Variants in ZNF385B observed in about 807,000 individuals in gnomAD.
ZNF385B encodes zinc finger protein 385B, also known as zinc finger protein 533.
In ZNF385B, 23 loss-of-function variants were observed where a neutral mutation model predicts 39.2. The observed-to-expected ratio is 0.59, with a 90% CI of 0.42 to 0.83. The LOEUF (loss-of-function observed/expected upper bound fraction) is 0.83. ZNF385B is among the 40% of genes least tolerant of loss of function. The probability of loss-of-function intolerance (pLI) is 0.00; values close to 1 mark genes in which losing one functional copy is unlikely to be tolerated. For missense variants in ZNF385B, 552 were observed against 598.9 expected, an observed-to-expected ratio of 0.92 and a Z score of 0.82; for synonymous variants, 205 against 222.6, an observed-to-expected ratio of 0.92 and a Z score of 0.70.
intron 3 of ZNF385B, among the ~76,000 whole-genome samples, chr2:179,742,270 C>A (rs1702129716): frequency 6.6e-6 from 1 of 152,050 alleles, no homozygotes; most frequent in African/African-American, 2.4e-5. Context: ...TAAACCCTAA[C>A]AGTTAAAACT....
chr2:179,464,502 A>T (rs1166055046), intron 6 of ZNF385B, among the ~76,000 whole-genome samples: 1 of 152,054 alleles, frequency 6.6e-6, no homozygotes, highest in East Asian at 1.9e-4. Flanking sequence ...TAAGTCTTTG[A>T]TCCATCTTGA....
At chr2:179,483,964 T>C (rs77004167) in intron 5 of ZNF385B, among the ~76,000 whole-genome samples, 155 of 152,340 alleles carry the variant, frequency 1.0e-3, no homozygotes, top group African/African-American at 3.7e-3. Flanking sequence ...AAGCTCTACA[T>C]GCACTTCATG....
intron 1 of ZNF385B, chr2:179,802,550 T>C (rs1207916873): frequency 2.0e-5 from 3 of 152,138 alleles, no homozygotes; most frequent in African/African-American, 7.2e-5. Context: ...AGTCTCCATC[T>C]GTCTTGGGAA....
At chr2:179,562,126 C>T (rs111923577) in intron 3 of ZNF385B, among the ~76,000 whole-genome samples, 8 of 152,186 alleles carry the variant, frequency 5.3e-5, no homozygotes, top group East Asian at 1.9e-4. Context: ...GAAAGGGGAA[C>T]GGTAGCTTAT....
intron 1 of ZNF385B, among the ~76,000 whole-genome samples, chr2:179,846,819 G>T (rs954519673): frequency 6.6e-6 from 1 of 152,232 alleles, no homozygotes; most frequent in Admixed American, 6.5e-5. Context: ...TGGTGCTGCT[G>T]GTCCGTGGAC....
intron 1 of ZNF385B, among the ~76,000 whole-genome samples, chr2:179,792,428 G>A (rs1352006026): frequency 1.5e-5 from 2 of 137,712 alleles, no homozygotes; most frequent in Non-Finnish European, 3.0e-5. Context: ...AGGCTGGAGT[G>A]CAGTGGCACC....
chr2:179,859,238 T>C (rs1276388947), intron 1 of ZNF385B, among the ~76,000 whole-genome samples: 1 of 152,210 alleles, frequency 6.6e-6, no homozygotes, highest in Admixed American at 6.5e-5. Flanking sequence ...GATTTGACTA[T>C]AGAGGAGACA....
At chr2:179,500,505 T>C (rs2056656794) in intron 5 of ZNF385B, among the ~76,000 whole-genome samples, 1 of 151,610 alleles carries the variant, frequency 6.6e-6, no homozygotes, top group Non-Finnish European at 1.5e-5. Flanking sequence ...GAAAAGGGAG[T>C]CTCTTCAGTA....
chr2:179,698,956 T>C (rs1698967265), intron 3 of ZNF385B, among the ~76,000 whole-genome samples: 2 of 152,188 alleles, frequency 1.3e-5, no homozygotes, highest in South Asian at 4.1e-4. Flanking sequence ...TTTATTTAAA[T>C]AATTTCACTA....
intron 1 of ZNF385B, among the ~76,000 whole-genome samples, chr2:179,856,616 A>G (rs79797911): frequency 0.011 from 1,141 of 104,398 alleles, 14 homozygotes; most frequent in African/African-American, 0.037. Flanking sequence ...AAACAGAGAC[A>G]GCAGAGACAA....
intron 3 of ZNF385B, among the ~76,000 whole-genome samples, chr2:179,735,193 C>A (rs975062479): frequency 2.0e-5 from 3 of 151,370 alleles, no homozygotes; most frequent in Non-Finnish European, 1.5e-5. Context: ...AAGAAAAAAA[C>A]AAACAACCCC....
In ZNF385B at chr2:179,445,613, C is replaced by G; in HGVS notation, c.1077G>C (p.Gln359His). Residue 359 changes from glutamine (Q) to histidine (H), a missense_variant, in exon 8 of 10, where the codon CAG (glutamine) becomes CAC (histidine). Coordinates refer to ENST00000410066, the MANE Select transcript of ZNF385B (RefSeq NM_152520.6). ...MQNGSKGSGLQNKTFHCEICD... is the reference protein window; with the variant it reads ...MQNGSKGSGLHNKTFHCEICD... ...AGATTTCACAATGAAATGTCTTGTT[C>G]TGTAGTCCTGACCCCTTACTGCCAT... 1.2e-6 allele frequency: 2 copies of G among 1,613,940 alleles called. No individual in the cohort carries two copies. Among genetic ancestry groups the G allele is most frequent in the Non-Finnish European group, 8.5e-7 (1 of 1,179,928 alleles).
chr2:179,595,598 G>T (rs1476584787), intron 3 of ZNF385B, among the ~76,000 whole-genome samples: 1 of 151,636 alleles, frequency 6.6e-6, no homozygotes, highest in Non-Finnish European at 1.5e-5. Context: ...CAAGCTAAAG[G>T]TTGTTTTTCA....
At chr2:179,831,881 C>T (rs1708006648) in intron 1 of ZNF385B, among the ~76,000 whole-genome samples, 1 of 152,238 alleles carries the variant, frequency 6.6e-6, no homozygotes, top group East Asian at 1.9e-4. Flanking sequence ...AAATCTCTGA[C>T]TCCCTGCTAT....
chr2:179,579,805 T>C (rs1362104974), intron 3 of ZNF385B, among the ~76,000 whole-genome samples: 1 of 152,192 alleles, frequency 6.6e-6, no homozygotes, highest in East Asian at 1.9e-4. Flanking sequence ...GATGTTTTGT[T>C]ATTTCTATGC....
At chr2:179,581,722 T>C (rs1312563666) in intron 3 of ZNF385B, among the ~76,000 whole-genome samples, 1 of 152,196 alleles carries the variant, frequency 6.6e-6, no homozygotes, top group Non-Finnish European at 1.5e-5. Flanking sequence ...CAGAATTCCT[T>C]GCAGCTAGCT....
intron 6 of ZNF385B, among the ~76,000 whole-genome samples, chr2:179,477,351 G>A (rs952163843): frequency 2.6e-5 from 4 of 152,162 alleles, no homozygotes; most frequent in Admixed American, 1.3e-4. Context: ...CATTGATAAC[G>A]ACTCTGGGTT....
In ZNF385B at chr2:179,442,091, T is replaced by A. The variant is rs2049026342; in HGVS notation, c.*1159A>T. 6.5e-6 allele frequency: 1 copy of A among 152,802 alleles called. No individual in the cohort carries two copies. The highest frequency in any genetic ancestry group is 2.1e-4 in the South Asian group (1 of 4,832). The allele number at this position is 152,802 out of a possible 1,614,324, so 9.5% of individuals were successfully genotyped here. The stretch of plus-strand genomic sequence containing the variant: ...CTCTAAAAGAGTCCACTCTATTTTG[T>A]TGTTCTATGATAACTCTTGCCCCTG... On this transcript the variant is annotated 3_prime_UTR_variant, in exon 10 of 10. Transcript: ENST00000410066.
intron 3 of ZNF385B, among the ~76,000 whole-genome samples, chr2:179,564,648 G>A (rs775517830): frequency 4.6e-5 from 7 of 152,072 alleles, no homozygotes; most frequent in Admixed American, 4.6e-4. Context: ...TCTGGCTTAT[G>A]ATTTCTCCAG....
Sources: allele counts gnomAD v4.1 joint callset (sites outside exome capture counted in the v4.1 genomes callset), GRCh38; gene constraint gnomAD v4.1.1; transcripts MANE v1.5; gene names NCBI Gene and HGNC (gene_info 2026-07-23, HGNC 2026-07-21).